Variants in CSPP1 observed in about 807,000 individuals in gnomAD.
CSPP1 encodes centrosome and spindle pole-associated protein 1.
A neutral mutation model predicts 164.4 loss-of-function variants in CSPP1; 126 were observed. The ratio of observed to expected loss-of-function variants is 0.77; its 90% CI spans 0.66 to 0.89. The LOEUF (loss-of-function observed/expected upper bound fraction) is 0.89. Ranked by LOEUF, CSPP1 falls within the 40% of genes least tolerant of loss-of-function variation. The pLI, the probability that CSPP1 is intolerant of heterozygous loss-of-function variation, is 0.00. For synonymous variants in CSPP1, 472 were observed against 476.7 expected, an observed-to-expected ratio of 0.99 and a Z score of 0.13; for missense variants, 1,395 against 1,449.8, an observed-to-expected ratio of 0.96 and a Z score of 0.61.
intron 16 of CSPP1, among the ~76,000 whole-genome samples, chr8:67,136,962 C>G (rs1028881182): frequency 6.6e-6 from 1 of 151,772 alleles, no homozygotes; most frequent in African/African-American, 2.4e-5. Context: ...TGTATTCTAG[C>G]CATTGAATTA....
At chr8:67,185,717 C>A (rs1039962864) in intron 28 of CSPP1, among the ~76,000 whole-genome samples, 7 of 152,038 alleles carry the variant, frequency 4.6e-5, no homozygotes, top group Non-Finnish European at 8.8e-5. Context: ...AAAAGTAAAA[C>A]TTGCTGCTGC....
intron 17 of CSPP1, among the ~76,000 whole-genome samples, chr8:67,141,355 T>C (rs973462513): frequency 1.3e-5 from 2 of 152,192 alleles, no homozygotes; most frequent in Non-Finnish European, 2.9e-5. Context: ...TTTCAATTTT[T>C]AATAGTAATG....
rs1215344612 is a variant in CSPP1, at chr8:67,118,277, T to C, written c.1526T>C (p.Leu509Pro). 2 of 1,613,704 alleles carry C rather than the reference T, an allele frequency of 1.2e-6. No homozygotes were observed. Among genetic ancestry groups the C allele is most frequent in the African/African-American group, 1.3e-5 (1 of 75,038 alleles). Residue 509 changes from leucine (L) to proline (P), a missense_variant, in exon 14 of 31, where the codon CTA becomes CCA. Leu to Pro is a moderately conservative substitution (Grantham distance 98). Coordinates refer to ENST00000678616, the MANE Select transcript of CSPP1 (RefSeq NM_001382391.1). Reference sequence around the variant, plus strand: ...GCACCTCTGCCTCCACCTCCCCTACTACCACCTTTGGCTACTAACTATCGA... The same window carrying C: ...GCACCTCTGCCTCCACCTCCCCTACCACCACCTTTGGCTACTAACTATCGA... ...RIAPLPPPPL[L>P]PPLATNYRTP... is the part of the protein sequence containing the mutation.
At chr8:67,165,777 A>T (rs1439820533) in intron 24 of CSPP1, among the ~76,000 whole-genome samples, 1 of 152,234 alleles carries the variant, frequency 6.6e-6, no homozygotes, top group Non-Finnish European at 1.5e-5. Flanking sequence ...ACCTTGGTTA[A>T]AGTAGTGTTT....
chr8:67,118,757 A>G lies in CSPP1; in HGVS notation c.1633A>G (p.Met545Val), dbSNP rs554167197. 6.2e-7 allele frequency: 1 copy of G among 1,610,256 alleles called. No individual in the cohort carries two copies. Among genetic ancestry groups the G allele is most frequent in the Non-Finnish European group, 8.5e-7 (1 of 1,177,258 alleles). Residue 545 changes from methionine to valine, a missense_variant, in exon 15 of 31, where the codon ATG (methionine) becomes GTG (valine). By Grantham distance (21) the Met-to-Val change is conservative (BLOSUM62 1). Coordinates refer to ENST00000678616, the MANE Select transcript of CSPP1 (RefSeq NM_001382391.1). ...TTTTCTTTAAGATGGTTCAGGAATG[A>G]TGGGCGTACAGCCTGCAGCTTATGT... ...PSLAYYGSGM[M>V]GVQPAAYVSA...
At position 67,164,475 on chromosome 8, in the gene CSPP1, T is replaced by C; in HGVS notation, c.2795T>C (p.Leu932Pro). The C allele has an allele frequency of 6.3e-7, 1 of 1,590,640 alleles. No individual in the cohort carries two copies. The highest frequency in any genetic ancestry group is 8.6e-7 in the Non-Finnish European group (1 of 1,158,806). The change falls in exon 24 of 31, where the codon CTA becomes CCA. Residue 932 changes from leucine to proline, a missense_variant. Physicochemically the swap from Leu to Pro is moderately conservative, Grantham distance 98. Transcript: ENST00000678616. ...GAGAGGCGTCTACAAGAGCGATTGCTACACATGGACAGTGATGATGAAATT... is the reference window on the plus strand; with the variant it reads ...GAGAGGCGTCTACAAGAGCGATTGCCACACATGGACAGTGATGATGAAATT... ...SEERRLQERLLHMDSDDEIPI... is the reference protein window; with the variant it reads ...SEERRLQERLPHMDSDDEIPI...
At chr8:67,065,128 A>G (rs1363200860) in intron 1 of CSPP1, among the ~76,000 whole-genome samples, 3 of 152,198 alleles carry the variant, frequency 2.0e-5, no homozygotes, top group African/African-American at 7.2e-5. Context: ...GCTTGTGCGC[A>G]CTGCTTTGCT....
chr8:67,171,841 C>A (rs774743581), intron 24 of CSPP1, among the ~76,000 whole-genome samples: 2 of 150,884 alleles, frequency 1.3e-5, no homozygotes, highest in Non-Finnish European at 3.0e-5. Flanking sequence ...AGCCACCATG[C>A]CTGGCCAACT....
intron 24 of CSPP1, among the ~76,000 whole-genome samples, chr8:67,169,404 A>G (rs1001654609): frequency 2.0e-5 from 3 of 152,150 alleles, no homozygotes; most frequent in Admixed American, 6.5e-5. Flanking sequence ...GGTCCTCTGA[A>G]TAATGCCCAT....
At chr8:67,159,921 T>TTCC (rs1827709208) in intron 21 of CSPP1, among the ~76,000 whole-genome samples, 14 of 59,688 alleles carry the variant, frequency 2.3e-4, no homozygotes, top group Non-Finnish European at 4.3e-4. Context: ...TCTTTCTTTC[T>TTCC]TTCCTTTCCT....
At chr8:67,167,540 C>T (rs1471162127) in intron 24 of CSPP1, among the ~76,000 whole-genome samples, 2 of 144,754 alleles carry the variant, frequency 1.4e-5, no homozygotes, top group African/African-American at 5.1e-5. Context: ...ACTTCTCAGA[C>T]GGGGCGGCTG....
At chr8:67,174,363 G>A (rs1393672555) in intron 25 of CSPP1, 1 of 151,980 alleles carries the variant, frequency 6.6e-6, no homozygotes, top group Non-Finnish European at 1.5e-5. Flanking sequence ...TATATATTTA[G>A]GATCATTTCT....
At chr8:67,169,509 G>A (rs954235305) in intron 24 of CSPP1, among the ~76,000 whole-genome samples, 6 of 151,896 alleles carry the variant, frequency 4.0e-5, no homozygotes, top group African/African-American at 9.7e-5. Flanking sequence ...CATGATCTTC[G>A]GCTCACTGCA....
intron 4 of CSPP1, chr8:67,086,323 C>A: frequency 3.3e-6 from 2 of 599,890 alleles, no homozygotes; most frequent in East Asian, 3.3e-5. Flanking sequence ...GACTTTTGAC[C>A]TTTTGACTAA....
At chr8:67,153,915 AC>A in intron 18 of CSPP1, 108 bp from the exon 19 acceptor site, 1 of 575,208 alleles carries the variant, frequency 1.7e-6, no homozygotes, top group Non-Finnish European at 3.1e-6. Context: ...TAATCTTTGG[AC>A]TTTTTTTTTT....
At chr8:67,100,201 C>T (rs1409024288) in intron 7 of CSPP1, among the ~76,000 whole-genome samples, 1 of 152,044 alleles carries the variant, frequency 6.6e-6, no homozygotes, top group African/African-American at 2.4e-5. Context: ...ATGTGCTGCT[C>T]ACTAGGAAAT....
At chr8:67,132,231 T>C in intron 16 of CSPP1, 151 bp downstream of exon 16, 1 of 773,286 alleles carries the variant, frequency 1.3e-6, no homozygotes, top group Non-Finnish European at 2.0e-6. Context: ...AAAACGCTGT[T>C]GGAAGCATAA....
In CSPP1 at chr8:67,193,493, T is replaced by C. The variant is rs961822141; in HGVS notation, c.3360T>C (p.Asp1120=). 2 of 1,613,566 alleles carry C rather than the reference T, an allele frequency of 1.2e-6. No homozygotes were observed. The highest frequency in any genetic ancestry group is 1.1e-5 in the South Asian group (1 of 91,054). Residue 1120 remains aspartate, a synonymous_variant, in exon 30 of 31, where the codon GAT becomes GAC. Coordinates refer to ENST00000678616, the MANE Select transcript of CSPP1 (RefSeq NM_001382391.1). ...IDSSRPNVAP[D]GLSLKSISSV... ...GCAGTCGTCCTAATGTAGCACCAGA[T>C]GGTCTCTCTCTAAAATCTATATCCA...
At chr8:67,138,522 C>A (rs1822825059) in intron 17 of CSPP1, among the ~76,000 whole-genome samples, 1 of 152,028 alleles carries the variant, frequency 6.6e-6, no homozygotes, top group African/African-American at 2.4e-5. Context: ...TTGATTGAAT[C>A]CACAGATGTG....
Sources: allele counts gnomAD v4.1 joint callset (sites outside exome capture counted in the v4.1 genomes callset), GRCh38; gene constraint gnomAD v4.1.1; transcripts MANE v1.5; gene names NCBI Gene and HGNC (gene_info 2026-07-23, HGNC 2026-07-21).